PPP3CB: variants seen among roughly 807,000 people sequenced by gnomAD.
PPP3CB encodes protein phosphatase 3 catalytic subunit beta.
PPP3CB carries 8 observed loss-of-function variants against 66.4 expected under a neutral mutation model. The observed-to-expected ratio is 0.12, with a 90% CI of 0.07 to 0.22. PPP3CB has a LOEUF of 0.22. Among genes scored for constraint, PPP3CB ranks in the 10% least tolerant of loss-of-function variants. The pLI, the probability that PPP3CB is intolerant of heterozygous loss-of-function variation, is 1.00. For missense variants in PPP3CB, 319 were observed against 642.5 expected, an observed-to-expected ratio of 0.50 and a Z score of 5.44; for synonymous variants, 208 against 221.2, an observed-to-expected ratio of 0.94 and a Z score of 0.53.
rs545255318 is a variant in PPP3CB, at chr10:73,456,322, G to T, written c.1109-1833C>A. ...ACTGCAAAAGGTTGATGGAAAACAT[G>T]CTGTAAGTGTTCAAAGATATGCAAA... On this transcript the variant is annotated intron_variant, in intron 9 of 13. Coordinates refer to ENST00000360663, the MANE Select transcript of PPP3CB (RefSeq NM_021132.4). Among the ~76,000 whole-genome samples the T allele has an allele frequency of 2.0e-5, 3 of 152,362 alleles. No individual in the cohort carries two copies. In the South Asian group the frequency reaches 6.2e-4, roughly 32 times the overall value.
chr10:73,452,071 A>G (rs2056355339), intron 10 of PPP3CB, among the ~76,000 whole-genome samples: 1 of 152,074 alleles, frequency 6.6e-6, no homozygotes, highest in Non-Finnish European at 1.5e-5. Flanking sequence ...TAAAAAAAAA[A>G]ATTTAAAAAA....
chr10:73,492,955 G>A (rs1308616939), intron 1 of PPP3CB, among the ~76,000 whole-genome samples: 2 of 152,072 alleles, frequency 1.3e-5, no homozygotes, highest in African/African-American at 4.8e-5. Context: ...TACAAGCATG[G>A]AGTATAAAAT....
At chr10:73,475,168 C>CA (rs2056767775) in intron 3 of PPP3CB, 138 bp from the exon 4 acceptor site, 6 of 1,210,886 alleles carry the variant, frequency 5.0e-6, no homozygotes, top group Non-Finnish European at 5.3e-6. Context: ...ATAAGCACCA[C>CA]AAAATCACAG....
At chr10:73,467,433 G>A (rs2056635480) in intron 9 of PPP3CB, 120 bp downstream of exon 9, 2 of 750,456 alleles carry the variant, frequency 2.7e-6, no homozygotes, top group Admixed American at 7.7e-5. Flanking sequence ...GACACAAGGA[G>A]AGCTGTAACC....
At chr10:73,444,458 T>G in intron 12 of PPP3CB, 1 of 919,410 alleles carries the variant, frequency 1.1e-6, no homozygotes, top group Non-Finnish European at 1.6e-6. Flanking sequence ...TCAGACATTA[T>G]GATATGAGCT....
In PPP3CB at chr10:73,471,806, A is replaced by G. The variant is rs576164816; in HGVS notation, c.524-193T>C. On this transcript the variant is annotated intron_variant, in intron 4 of 13. Coordinates refer to ENST00000360663, the MANE Select transcript of PPP3CB (RefSeq NM_021132.4). ...GACAGACAGACAGACAGATGGCAAG[A>G]AAATTATAGACAGTAAACAGCAAAG... Among the ~76,000 whole-genome samples the G allele has an allele frequency of 1.9e-4, 29 of 152,334 alleles. No individual in the cohort carries two copies. In the South Asian group the frequency reaches 5.8e-3, roughly 30 times the overall value.
intron 1 of PPP3CB, among the ~76,000 whole-genome samples, chr10:73,487,530 A>G (rs1024561452): frequency 2.7e-4 from 39 of 146,732 alleles, no homozygotes; most frequent in African/African-American, 9.0e-4. Flanking sequence ...CCAGGGCAAC[A>G]GAGTGAGACT....
intron 1 of PPP3CB, among the ~76,000 whole-genome samples, chr10:73,491,866 T>C (rs1215314771): frequency 6.6e-6 from 1 of 150,604 alleles, no homozygotes; most frequent in Admixed American, 6.6e-5. Flanking sequence ...ACTTGGGAGG[T>C]TGAGGCAGGA....
At chr10:73,495,578 G>A in intron 1 of PPP3CB, 1 of 456,004 alleles carries the variant, frequency 2.2e-6, no homozygotes, top group South Asian at 3.5e-5. Context: ...AGGAAGCCAC[G>A]GAAGCAAAAC....
intron 4 of PPP3CB, among the ~76,000 whole-genome samples, chr10:73,472,225 T>C (rs1313473261): frequency 6.6e-6 from 1 of 152,212 alleles, no homozygotes; most frequent in Admixed American, 6.5e-5. Flanking sequence ...CCAGGCACGG[T>C]GGCTCACGCC....
intron 8 of PPP3CB, among the ~76,000 whole-genome samples, chr10:73,469,667 T>C (rs2056673332): frequency 6.6e-6 from 1 of 152,256 alleles, no homozygotes; most frequent in Non-Finnish European, 1.5e-5. Flanking sequence ...AGCATGCTAC[T>C]GTTTGGTCTC....
At chr10:73,495,111 CAA>C (rs1488067805) in intron 1 of PPP3CB, among the ~76,000 whole-genome samples, 2 of 152,148 alleles carry the variant, frequency 1.3e-5, no homozygotes, top group Non-Finnish European at 2.9e-5. Flanking sequence ...TCCTTTTGAC[CAA>C]AGTGTTGATG....
At chr10:73,442,700 A>T (rs1013859745) in intron 12 of PPP3CB, among the ~76,000 whole-genome samples, 2 of 151,924 alleles carry the variant, frequency 1.3e-5, no homozygotes, top group African/African-American at 2.4e-5. Context: ...ATGTAAAGCA[A>T]ATCAAAGCAG....
intron 12 of PPP3CB, among the ~76,000 whole-genome samples, chr10:73,440,238 TTA>T (rs776631031): frequency 6.6e-6 from 1 of 152,206 alleles, no homozygotes; most frequent in Non-Finnish European, 1.5e-5. Context: ...GAATTTTCCA[TTA>T]TGTTTATTAT....
At position 73,481,488 on chromosome 10, in the gene PPP3CB, C is replaced by CAT. The variant is rs1259446580; in HGVS notation, c.86-1973_86-1972dup. On this transcript the variant is annotated intron_variant, in intron 1 of 13. Coordinates refer to ENST00000360663, the MANE Select transcript of PPP3CB (RefSeq NM_021132.4). ...TCCATCAAATATATATATATATATA[C>CAT]ATATATATATCTCTGAGCATATAGT... Among the ~76,000 whole-genome samples the CAT allele has an allele frequency of 2.8e-3, 413 of 148,942 alleles. 1 individual carries two copies. The highest frequency in any genetic ancestry group is 9.4e-3 in the African/African-American group (381 of 40,596).
At chr10:73,471,744 T>C (rs1411420426) in intron 4 of PPP3CB, 131 bp from the exon 5 acceptor site, 1 of 704,966 alleles carries the variant, frequency 1.4e-6, no homozygotes, top group Non-Finnish European at 2.2e-6. Flanking sequence ...TATAATGAAA[T>C]TGAGATAGTT....
chr10:73,451,697 G>A (rs567260176), intron 10 of PPP3CB, among the ~76,000 whole-genome samples: 2 of 151,534 alleles, frequency 1.3e-5, no homozygotes, highest in African/African-American at 4.8e-5. Context: ...TTGAGGCCAG[G>A]AGTTCAAGAC....
chr10:73,443,272 GAAAGAAAGAAAGAC>G (rs2056185683), intron 12 of PPP3CB, among the ~76,000 whole-genome samples: 11 of 116,090 alleles, frequency 9.5e-5, no homozygotes, highest in African/African-American at 3.1e-4. Context: ...GAGAGAGAAA[GAAAGAAAGAAAGAC>G]AGAAAGAAAG....
intron 1 of PPP3CB, among the ~76,000 whole-genome samples, chr10:73,488,345 G>T (rs911806308): frequency 1.3e-5 from 2 of 152,034 alleles, no homozygotes; most frequent in Admixed American, 6.6e-5. Context: ...AGGAATTTGA[G>T]ACCAATCTGG....
Sources: allele counts gnomAD v4.1 joint callset (sites outside exome capture counted in the v4.1 genomes callset), GRCh38; gene constraint gnomAD v4.1.1; transcripts MANE v1.5; gene names NCBI Gene and HGNC (gene_info 2026-07-23, HGNC 2026-07-21).